Variants in OSBPL1A observed in about 807,000 individuals in gnomAD.
OSBPL1A encodes the protein oxysterol binding protein like 1A.
A neutral mutation model predicts 137.1 loss-of-function variants in OSBPL1A; 80 were observed. That is an observed-to-expected ratio of 0.58 (90% CI 0.49 to 0.70). The LOEUF (loss-of-function observed/expected upper bound fraction) is 0.70. Ranked by LOEUF, OSBPL1A falls within the 30% of genes least tolerant of loss-of-function variation. OSBPL1A has a pLI of 0.00. For missense variants in OSBPL1A, 970 were observed against 1,129.4 expected (o/e 0.86, Z 2.02); for synonymous variants, 365 against 389.7 (o/e 0.94, Z 0.75).
intron 17 of OSBPL1A, among the ~76,000 whole-genome samples, chr18:24,219,622 C>T (rs1382651583): frequency 6.6e-6 from 1 of 152,078 alleles, no homozygotes; most frequent in Non-Finnish European, 1.5e-5. Flanking sequence ...AGAACAAGCG[C>T]TTGGAGTCTG....
intron 17 of OSBPL1A, among the ~76,000 whole-genome samples, chr18:24,209,934 G>A (rs2087483568): frequency 6.6e-6 from 1 of 152,180 alleles, no homozygotes; most frequent in Admixed American, 6.5e-5. Context: ...CATCTTGAAT[G>A]GGATGTTAGT....
At chr18:24,211,890 C>T (rs1429490709) in intron 17 of OSBPL1A, among the ~76,000 whole-genome samples, 8 of 142,694 alleles carry the variant, frequency 5.6e-5, no homozygotes, top group Admixed American at 3.7e-4. Context: ...GCCTGGGCAA[C>T]AGAGCGAAAC....
intron 1 of OSBPL1A, among the ~76,000 whole-genome samples, chr18:24,383,146 TG>T (rs1435594223): frequency 5.3e-5 from 6 of 113,174 alleles, no homozygotes; most frequent in African/African-American, 2.4e-4. Flanking sequence ...AACTGGAAAA[TG>T]TTAAGTTATT....
At chr18:24,391,560 CA>C (rs202011253) in intron 1 of OSBPL1A, among the ~76,000 whole-genome samples, 16,468 of 123,312 alleles carry the variant, frequency 0.13, 1,043 homozygotes, top group East Asian at 0.27. Flanking sequence ...CCAGTCTCTA[CA>C]AAAAAAAAAA....
At chr18:24,300,962 G>A (rs1431098039) in intron 14 of OSBPL1A, among the ~76,000 whole-genome samples, 1 of 152,046 alleles carries the variant, frequency 6.6e-6, no homozygotes, top group Non-Finnish European at 1.5e-5. Flanking sequence ...TCACCCTCCC[G>A]GGACTATAGG....
chr18:24,390,850 G>T (rs1023754146), intron 1 of OSBPL1A, among the ~76,000 whole-genome samples: 1 of 151,612 alleles, frequency 6.6e-6, no homozygotes, highest in African/African-American at 2.4e-5. Flanking sequence ...CTGTAATCGC[G>T]GCACTTTGGG....
chr18:24,364,596 A>C (rs1202931320), intron 4 of OSBPL1A, among the ~76,000 whole-genome samples: 1 of 152,066 alleles, frequency 6.6e-6, no homozygotes, highest in Admixed American at 6.6e-5. Flanking sequence ...CTCTAAAACA[A>C]ACAAACAATT....
chr18:24,200,624 G>T (rs2087192306), intron 17 of OSBPL1A, among the ~76,000 whole-genome samples: 1 of 151,762 alleles, frequency 6.6e-6, no homozygotes, highest in Non-Finnish European at 1.5e-5. Context: ...GATTTCAAGG[G>T]CCCAAAAGCC....
intron 4 of OSBPL1A, among the ~76,000 whole-genome samples, chr18:24,365,769 T>C (rs1208619010): frequency 6.6e-6 from 1 of 152,118 alleles, no homozygotes; most frequent in Non-Finnish European, 1.5e-5. Context: ...TGTAAATGTA[T>C]AAAAATCACT....
At chr18:24,327,033 T>C (rs998762898) in intron 7 of OSBPL1A, among the ~76,000 whole-genome samples, 2 of 152,066 alleles carry the variant, frequency 1.3e-5, no homozygotes, top group African/African-American at 2.4e-5. Context: ...CTTGGGTAAT[T>C]TGCGGGTTTT....
chr18:24,220,532 C>G (rs750697004), intron 17 of OSBPL1A, among the ~76,000 whole-genome samples: 3 of 152,182 alleles, frequency 2.0e-5, no homozygotes, highest in Non-Finnish European at 4.4e-5. Context: ...GCCCCCAGCC[C>G]TCACCACAAA....
intron 14 of OSBPL1A, among the ~76,000 whole-genome samples, chr18:24,289,418 G>GTTTTTTTTTTTTTTTTTTT (rs536281272): frequency 1.1e-5 from 1 of 94,208 alleles, no homozygotes; most frequent in African/African-American, 4.2e-5. Flanking sequence ...GTTTTTTCCT[G>GTTTTTTTTTTTTTTTTTTT]TTTTTTTTTT....
At chr18:24,377,094 G>A (rs1906231857) in intron 2 of OSBPL1A, among the ~76,000 whole-genome samples, 1 of 152,272 alleles carries the variant, frequency 6.6e-6, no homozygotes, top group Admixed American at 6.5e-5. Context: ...CCCAGGCAGA[G>A]GAGGCCCGAA....
chr18:24,217,975 C>T (rs2087761487), intron 17 of OSBPL1A, among the ~76,000 whole-genome samples: 1 of 151,590 alleles, frequency 6.6e-6, no homozygotes, highest in Admixed American at 6.6e-5. Flanking sequence ...GTAGAATACT[C>T]TACAGAACAA....
chr18:24,370,472 C>A (rs1231254923), intron 2 of OSBPL1A, among the ~76,000 whole-genome samples: 1 of 152,162 alleles, frequency 6.6e-6, no homozygotes, highest in Non-Finnish European at 1.5e-5. Context: ...CTCTCACTTT[C>A]TCAGCTTCCC....
intron 1 of OSBPL1A, among the ~76,000 whole-genome samples, chr18:24,380,620 T>G (rs1270178570): frequency 6.6e-6 from 1 of 152,218 alleles, no homozygotes; most frequent in Non-Finnish European, 1.5e-5. Flanking sequence ...CTGTTTCCAG[T>G]GCTCGCACAA....
intron 1 of OSBPL1A, among the ~76,000 whole-genome samples, chr18:24,396,516 T>C (rs915276487): frequency 6.6e-6 from 1 of 152,082 alleles, no homozygotes; most frequent in Non-Finnish European, 1.5e-5. Context: ...CTGGGAGAAA[T>C]GAAAAAGAAT....
At chr18:24,217,197 T>C (rs1202723227) in intron 17 of OSBPL1A, among the ~76,000 whole-genome samples, 2 of 151,794 alleles carry the variant, frequency 1.3e-5, no homozygotes, top group African/African-American at 2.4e-5. Context: ...AACCAATATA[T>C]AGATCATTTT....
At chr18:24,273,951 G>A (rs563687972) in intron 15 of OSBPL1A, among the ~76,000 whole-genome samples, 1 of 151,964 alleles carries the variant, frequency 6.6e-6, no homozygotes, top group African/African-American at 2.4e-5. Flanking sequence ...AAACCAAATT[G>A]AACCGGGCAC....
Sources: allele counts gnomAD v4.1 joint callset (sites outside exome capture counted in the v4.1 genomes callset), GRCh38; gene constraint gnomAD v4.1.1; transcripts MANE v1.5; gene names NCBI Gene and HGNC (gene_info 2026-07-23, HGNC 2026-07-21).